The following PLEKHA5 variants were observed in gnomAD, a reference collection of about 807,000 sequenced individuals.
PLEKHA5 encodes the protein pleckstrin homology domain-containing family A member 5.
Under a neutral mutation model 181.9 loss-of-function variants are expected in PLEKHA5, and 55 were observed. That is an observed-to-expected ratio of 0.30 (90% confidence interval 0.24 to 0.38). The LOEUF (loss-of-function observed/expected upper bound fraction) is 0.38, where lower values mean the gene tolerates loss of function less well. Ranked by LOEUF, PLEKHA5 falls within the 10% of genes least tolerant of loss-of-function variation. PLEKHA5 has a pLI of 1.00. For missense variants in PLEKHA5, 1,432 were observed against 1,549.5 expected (o/e 0.92, Z 1.27); for synonymous variants, 535 against 529.4 (o/e 1.01, Z -0.15).
chr12:19,356,316 A>C (rs978734439), intron 26 of PLEKHA5, among the ~76,000 whole-genome samples: 1 of 152,054 alleles, frequency 6.6e-6, no homozygotes, highest in East Asian at 1.9e-4. Context: ...GGAATTCAAG[A>C]CTAGCCTGAG....
At chr12:19,157,643 AC>A (rs2042065161) in intron 3 of PLEKHA5, among the ~76,000 whole-genome samples, 1 of 152,244 alleles carries the variant, frequency 6.6e-6, no homozygotes, top group Admixed American at 6.5e-5. Context: ...TATTGCATAC[AC>A]CATACCAATC....
At chr12:19,201,463 A>G (rs921696342) in intron 3 of PLEKHA5, 1 of 152,096 alleles carries the variant, frequency 6.6e-6, no homozygotes, top group East Asian at 1.9e-4. Context: ...AAATTTGACC[A>G]AGCAATTTTA....
chr12:19,348,747 T>A (rs2071577825), intron 25 of PLEKHA5, among the ~76,000 whole-genome samples: 1 of 152,088 alleles, frequency 6.6e-6, no homozygotes, highest in African/African-American at 2.4e-5. Flanking sequence ...GGCAGCACCC[T>A]TTTTTTAACA....
At chr12:19,142,652 C>T (rs1049159396) in intron 3 of PLEKHA5, among the ~76,000 whole-genome samples, 11 of 152,026 alleles carry the variant, frequency 7.2e-5, no homozygotes, top group Non-Finnish European at 4.4e-5. Flanking sequence ...GTAATGAAAT[C>T]GTTACAGTAG....
intron 3 of PLEKHA5, among the ~76,000 whole-genome samples, chr12:19,192,528 G>A (rs73345057): frequency 4.6e-4 from 70 of 152,092 alleles, no homozygotes; most frequent in African/African-American, 1.6e-3. Context: ...TTGAAACCCC[G>A]TCTCTACTCA....
chr12:19,190,171 T>C (rs892256626), intron 3 of PLEKHA5, among the ~76,000 whole-genome samples: 5 of 152,238 alleles, frequency 3.3e-5, no homozygotes, highest in Non-Finnish European at 7.3e-5. Flanking sequence ...TCCTTTATCT[T>C]GTTAAAAAGT....
Position 19,364,021 on chromosome 12 carries a change from A to G in PLEKHA5, c.3609-1943A>G, listed in dbSNP as rs371173200. ...AAACACAGTATATTAAAAATTGATG[A>G]GTTCATAATGATACAACAACAAAAA... On this transcript the variant is annotated intron_variant, in intron 29 of 31. Coordinates refer to ENST00000429027, the MANE Select transcript of PLEKHA5 (RefSeq NM_001256470.2). 1.3e-4 allele frequency among the ~76,000 whole-genome samples: 20 copies of G among 152,348 alleles called. No homozygotes were observed. The East Asian group carries it at 3.3e-3, about 25-fold the overall frequency.
intron 3 of PLEKHA5, among the ~76,000 whole-genome samples, chr12:19,196,838 G>A (rs545066602): frequency 7.8e-4 from 107 of 136,836 alleles, no homozygotes; most frequent in Admixed American, 2.3e-3. Context: ...TAGAGAAATA[G>A]TGATTTTTCT....
At position 19,369,803 on chromosome 12, in the gene PLEKHA5, G is replaced by A. The variant is rs140016877; in HGVS notation, c.*11+5G>A. 16 of 1,499,296 alleles carry A rather than the reference G, an allele frequency of 1.1e-5. No homozygotes were observed. The highest frequency in any genetic ancestry group is 2.3e-5 in the East Asian group (1 of 44,202). The allele number at this position is 1,499,296 out of a possible 1,614,324, so 92.9% of individuals were successfully genotyped here. On this transcript the variant is annotated splice_donor_5th_base_variant and intron_variant, in intron 31 of 31. Coordinates refer to ENST00000429027, the MANE Select transcript of PLEKHA5 (RefSeq NM_001256470.2). ...GTGTGTGTAGTCTTAGAAGAAGTACGTCATTTCCCTTTGCATTTGTGCTTT... is the reference window on the plus strand; with the variant it reads ...GTGTGTGTAGTCTTAGAAGAAGTACATCATTTCCCTTTGCATTTGTGCTTT...
intron 15 of PLEKHA5, among the ~76,000 whole-genome samples, chr12:19,297,591 C>A (rs370671479): frequency 6.9e-6 from 1 of 145,378 alleles, no homozygotes; most frequent in African/African-American, 2.5e-5. Context: ...CACTGCAGTC[C>A]GCAGTCCGGC....
intron 4 of PLEKHA5, 137 bp downstream of exon 4, chr12:19,254,160 A>G: frequency 1.5e-6 from 1 of 663,168 alleles, no homozygotes; most frequent in Non-Finnish European, 2.7e-6. Flanking sequence ...CCAGCTGTTC[A>G]CAATGTGTCA....
intron 20 of PLEKHA5, among the ~76,000 whole-genome samples, 182 bp downstream of exon 20, chr12:19,322,849 G>A (rs1189682852): frequency 6.6e-6 from 1 of 151,726 alleles, no homozygotes; most frequent in Non-Finnish European, 1.5e-5. Context: ...TTTAATTAGT[G>A]GGCATTCTGT....
At chr12:19,270,989 A>C (rs1008292521) in intron 10 of PLEKHA5, among the ~76,000 whole-genome samples, 1 of 152,200 alleles carries the variant, frequency 6.6e-6, no homozygotes, top group African/African-American at 2.4e-5. Flanking sequence ...CCCAATCACT[A>C]GTAATTAGAG....
intron 7 of PLEKHA5, among the ~76,000 whole-genome samples, chr12:19,264,346 A>G (rs1385032721): frequency 6.6e-6 from 1 of 151,344 alleles, no homozygotes; most frequent in East Asian, 1.9e-4. Context: ...TTCTGAAGCA[A>G]CTTTAGAAAA....
chr12:19,198,895 A>C (rs1416645321), intron 3 of PLEKHA5, among the ~76,000 whole-genome samples: 1 of 152,080 alleles, frequency 6.6e-6, no homozygotes, highest in Admixed American at 6.6e-5. Context: ...TTTCTATAAG[A>C]CCATTACTCA....
intron 8 of PLEKHA5, among the ~76,000 whole-genome samples, chr12:19,267,529 G>A (rs940793965): frequency 6.6e-6 from 1 of 151,986 alleles, no homozygotes; most frequent in Non-Finnish European, 1.5e-5. Flanking sequence ...ACATTGTGGT[G>A]CTTGCCTATA....
At chr12:19,232,249 A>G (rs1415289693) in intron 3 of PLEKHA5, among the ~76,000 whole-genome samples, 1 of 152,130 alleles carries the variant, frequency 6.6e-6, no homozygotes, top group East Asian at 1.9e-4. Context: ...TTTGTTGGTT[A>G]TGCTGATTGT....
chr12:19,253,512 T>A (rs562995997), intron 3 of PLEKHA5, among the ~76,000 whole-genome samples: 1 of 152,054 alleles, frequency 6.6e-6, no homozygotes. Flanking sequence ...GAAAGATATA[T>A]TTAGGAATCT....
At chr12:19,349,841 G>A (rs536527916) in intron 25 of PLEKHA5, among the ~76,000 whole-genome samples, 9 of 152,224 alleles carry the variant, frequency 5.9e-5, no homozygotes, top group East Asian at 3.9e-4. Flanking sequence ...GGCTGGGCAC[G>A]GTGGCTCACT....
Sources: gnomAD v4.1 joint callset for allele counts (sites outside exome capture counted in the v4.1 genomes callset) on GRCh38, gnomAD v4.1.1 for gene constraint, MANE v1.5 for transcripts, NCBI Gene and HGNC (gene_info 2026-07-23, HGNC 2026-07-21) for gene names.